The following MACROH2A2 variants were observed in gnomAD, a reference collection of about 807,000 sequenced individuals.
MACROH2A2 encodes the protein macroH2A.2 histone, also known as core histone macro-H2A.2.
A neutral mutation model predicts 37.6 loss-of-function variants in MACROH2A2; 6 were observed. The ratio of observed to expected loss-of-function variants is 0.16; its 90% CI spans 0.09 to 0.32. The LOEUF is 0.32. Ranked by LOEUF, MACROH2A2 falls within the 10% of genes least tolerant of loss-of-function variation. The pLI, the probability that MACROH2A2 is intolerant of heterozygous loss-of-function variation, is 1.00. For synonymous variants in MACROH2A2, 192 were observed against 202.7 expected, an observed-to-expected ratio of 0.95 and a Z score of 0.45; for missense variants, 290 against 485.9, an observed-to-expected ratio of 0.60 and a Z score of 3.79.
chr10:70,092,417 C>T (rs985356403), intron 4 of MACROH2A2, among the ~76,000 whole-genome samples: 5 of 151,970 alleles, frequency 3.3e-5, no homozygotes, highest in Admixed American at 2.6e-4. Flanking sequence ...TCGGTGACAG[C>T]GCAAGACCCT....
chr10:70,098,226 AG>A (rs2136639184), intron 6 of MACROH2A2: 1 of 145,630 alleles, frequency 6.9e-6, no homozygotes, highest in African/African-American at 2.5e-5. Context: ...TGGGCCACAG[AG>A]TGCACAGAGT....
intron 6 of MACROH2A2, 70 bp from the exon 7 acceptor site, chr10:70,100,138 C>T (rs1023409745): frequency 2.5e-6 from 2 of 792,896 alleles, no homozygotes; most frequent in South Asian, 1.6e-5. Flanking sequence ...TGGCCTACTA[C>T]AAATATGTCA....
chr10:70,106,295 A>G (rs1406828230), intron 7 of MACROH2A2, among the ~76,000 whole-genome samples: 1 of 152,222 alleles, frequency 6.6e-6, no homozygotes, highest in Non-Finnish European at 1.5e-5. Context: ...TGCTTATACC[A>G]AATACCAGGG....
intron 5 of MACROH2A2, 40 bp downstream of exon 5, chr10:70,093,885 C>G: frequency 9.4e-7 from 1 of 1,063,720 alleles, no homozygotes; most frequent in Non-Finnish European, 1.5e-6. Flanking sequence ...TAAAACACCA[C>G]TGTATTTTTA....
At chr10:70,100,659 C>T (rs1188231415) in intron 7 of MACROH2A2, among the ~76,000 whole-genome samples, 1 of 151,096 alleles carries the variant, frequency 6.6e-6, no homozygotes, top group African/African-American at 2.4e-5. Context: ...CTCTGTCGCC[C>T]AGGCTGGAGT....
In MACROH2A2 at chr10:70,111,735, G is replaced by A; in HGVS notation, c.*52G>A. On this transcript the variant is annotated 3_prime_UTR_variant, in exon 9 of 9. Coordinates refer to ENST00000373255, the MANE Select transcript of MACROH2A2 (RefSeq NM_018649.3). ...AGGACGACCCGAGTCCCAAGAGTGG[G>A]GTTTTGCTTTTTAAAAGGAGAGAGG... The A allele has an allele frequency of 1.4e-6, 2 of 1,480,022 alleles. No homozygotes were observed. Among genetic ancestry groups the A allele is most frequent in the Non-Finnish European group, 1.8e-6 (2 of 1,107,940 alleles). The allele number at this position is 1,480,022 out of a possible 1,614,324, so 91.7% of individuals were successfully genotyped here. A position where few individuals can be genotyped will look rare whatever the true frequency, so the allele number is the denominator to read the frequency against.
chr10:70,069,942 G>A (rs1348410982), intron 1 of MACROH2A2, among the ~76,000 whole-genome samples: 1 of 152,194 alleles, frequency 6.6e-6, no homozygotes, highest in East Asian at 1.9e-4. Context: ...ACAGGCTTTG[G>A]GGAGAGGTGG....
intron 1 of MACROH2A2, among the ~76,000 whole-genome samples, chr10:70,072,911 T>C (rs1450330787): frequency 6.6e-6 from 1 of 152,094 alleles, no homozygotes; most frequent in East Asian, 1.9e-4. Context: ...GAGCCGAGAT[T>C]GCACCACTGC....
intron 1 of MACROH2A2, among the ~76,000 whole-genome samples, chr10:70,071,119 T>C (rs978833888): frequency 3.3e-5 from 5 of 152,250 alleles, no homozygotes; most frequent in African/African-American, 1.2e-4. Context: ...GGGGTGTCCC[T>C]GCCCTTGTGG....
intron 2 of MACROH2A2, among the ~76,000 whole-genome samples, chr10:70,080,263 G>A (rs1408814060): frequency 2.7e-5 from 4 of 148,494 alleles, no homozygotes; most frequent in Non-Finnish European, 6.0e-5. Context: ...TGGGCATCAA[G>A]AGCAAAACTC....
At chr10:70,077,057 G>A (rs1358327343) in intron 2 of MACROH2A2, among the ~76,000 whole-genome samples, 1 of 152,112 alleles carries the variant, frequency 6.6e-6, no homozygotes, top group Non-Finnish European at 1.5e-5. Flanking sequence ...CCCTCCTTTA[G>A]GAGGTTGGGG....
rs369424684 is a variant in MACROH2A2, at chr10:70,090,144, C to G, written c.257C>G (p.Ala86Gly). ...IAPRHILLAV[A>G]NDEELNQLLK... ...CCGAGACACATCTTGCTGGCAGTTG[C>G]CAATGACGAGGAGCTCAACCAGGTA... Residue 86 changes from alanine to glycine, a missense_variant, in exon 3 of 9, where the codon GCC (alanine) becomes GGC (glycine). Transcript: ENST00000373255. 6.2e-7 allele frequency: 1 copy of G among 1,612,104 alleles called. No individual in the cohort carries two copies. The highest frequency in any genetic ancestry group is 8.5e-7 in the Non-Finnish European group (1 of 1,178,308).
intron 1 of MACROH2A2, among the ~76,000 whole-genome samples, chr10:70,070,999 ATG>A (rs60976509): frequency 2.6e-4 from 39 of 148,902 alleles, no homozygotes; most frequent in South Asian, 1.3e-3. Flanking sequence ...GTGCATGTGC[ATG>A]TGTGTGTGTG....
At chr10:70,060,972 T>C (rs1422257935) in intron 1 of MACROH2A2, among the ~76,000 whole-genome samples, 1 of 149,886 alleles carries the variant, frequency 6.7e-6, no homozygotes, top group Non-Finnish European at 1.5e-5. Context: ...ACAGAGACTC[T>C]GTCTAAAAAA....
At chr10:70,096,237 A>G (rs1488893239) in intron 6 of MACROH2A2, among the ~76,000 whole-genome samples, 1 of 152,140 alleles carries the variant, frequency 6.6e-6, no homozygotes, top group African/African-American at 2.4e-5. Flanking sequence ...AAATCTATCC[A>G]TGTCGTTGAG....
chr10:70,054,823 T>C (rs530704881), intron 1 of MACROH2A2, among the ~76,000 whole-genome samples: 41 of 152,310 alleles, frequency 2.7e-4, no homozygotes, highest in African/African-American at 6.3e-4. Context: ...ATTCACATCT[T>C]CATAACCCCT....
chr10:70,086,982 G>A (rs9730760), intron 2 of MACROH2A2, among the ~76,000 whole-genome samples: 2 of 152,150 alleles, frequency 1.3e-5, no homozygotes, highest in African/African-American at 2.4e-5. Flanking sequence ...CTTAAGCCCA[G>A]GAGTTTGAGA....
chr10:70,092,389 C>T (rs2072250593), intron 4 of MACROH2A2, among the ~76,000 whole-genome samples: 1 of 152,080 alleles, frequency 6.6e-6, no homozygotes, highest in Non-Finnish European at 1.5e-5. Context: ...GCCATGATGG[C>T]ACCACTGCAC....
chr10:70,074,047 T>A (rs560180121), intron 1 of MACROH2A2, among the ~76,000 whole-genome samples: 2 of 152,334 alleles, frequency 1.3e-5, no homozygotes, highest in South Asian at 4.1e-4. Flanking sequence ...TTCCTTTTCT[T>A]TGCTCCTGAC....
Sources: gnomAD v4.1 joint callset for allele counts (sites outside exome capture counted in the v4.1 genomes callset) on GRCh38, gnomAD v4.1.1 for gene constraint, MANE v1.5 for transcripts, NCBI Gene and HGNC (gene_info 2026-07-23, HGNC 2026-07-21) for gene names.